The following ENOX1 variants were observed in gnomAD, a reference collection of about 807,000 sequenced individuals.
The protein encoded by ENOX1 is candidate growth-related and time keeping constitutive hydroquinone (NADH) oxidase.
Under a neutral mutation model 82.5 loss-of-function variants are expected in ENOX1, and 42 were observed. The ratio of observed to expected loss-of-function variants is 0.51; its 90% confidence interval spans 0.40 to 0.66. The LOEUF (loss-of-function observed/expected upper bound fraction) is 0.66, where lower values mean the gene tolerates loss of function less well. Among genes scored for constraint, ENOX1 ranks in the 30% least tolerant of loss-of-function variants. The pLI is 0.00. For missense variants in ENOX1, 608 were observed against 811.6 expected (o/e 0.75, Z 3.05); for synonymous variants, 271 against 282.2 (o/e 0.96, Z 0.40).
At chr13:43,330,871 T>C (rs952550728) in intron 9 of ENOX1, among the ~76,000 whole-genome samples, 1 of 152,248 alleles carries the variant, frequency 6.6e-6, no homozygotes, top group African/African-American at 2.4e-5. Flanking sequence ...CACATATATG[T>C]ATATATTCTT....
In ENOX1 at chr13:43,425,241, C is replaced by T. The variant is rs149446526; in HGVS notation, c.-74-12253G>A. ...GGCTACACCTGGTTATCTCAGCAGG[C>T]CCTCATAACCCAGAAAACCTCCATG... On this transcript the variant is annotated intron_variant, in intron 3 of 16. Coordinates refer to ENST00000690772, the MANE Select transcript of ENOX1 (RefSeq NM_001347969.2). Among the ~76,000 whole-genome samples the T allele has an allele frequency of 9.9e-5, 15 of 152,090 alleles. No homozygotes were observed. The East Asian group carries it at 2.3e-3, about 24-fold the overall frequency.
At chr13:43,614,277 T>C (rs2082315870) in intron 2 of ENOX1, among the ~76,000 whole-genome samples, 1 of 152,208 alleles carries the variant, frequency 6.6e-6, no homozygotes, top group African/African-American at 2.4e-5. Flanking sequence ...AGTTAGTTTC[T>C]GTTGACAGTT....
intron 2 of ENOX1, among the ~76,000 whole-genome samples, chr13:43,537,883 G>T (rs2078533308): frequency 6.6e-6 from 1 of 152,184 alleles, no homozygotes; most frequent in Non-Finnish European, 1.5e-5. Flanking sequence ...CCCTGCATCT[G>T]CCCAGCCTTC....
At chr13:43,591,985 G>A (rs1263576149) in intron 2 of ENOX1, among the ~76,000 whole-genome samples, 1 of 151,782 alleles carries the variant, frequency 6.6e-6, no homozygotes, top group Non-Finnish European at 1.5e-5. Context: ...GCTCCACAAT[G>A]GGGGTGACTG....
At chr13:43,542,431 CTTTTT>C (rs775618771) in intron 2 of ENOX1, among the ~76,000 whole-genome samples, 1 of 117,914 alleles carries the variant, frequency 8.5e-6, no homozygotes, top group Non-Finnish European at 1.7e-5. Context: ...TGTGCCCGGC[CTTTTT>C]TTTTTTTTTT....
chr13:43,326,544 TC>T lies in ENOX1; in HGVS notation c.1037-20del. Reference sequence around the variant, plus strand: ...TGCTCAACTTTGGTGAACAAGGAAGTCAAACAAGACAAGTAATTTATGTTGT... The same window carrying T: ...TGCTCAACTTTGGTGAACAAGGAAGTAAACAAGACAAGTAATTTATGTTGT... On this transcript the variant is annotated intron_variant, in intron 9 of 16. Transcript: ENST00000690772. 1.9e-6 allele frequency: 3 copies of T among 1,596,494 alleles called. No homozygotes were observed. The highest frequency in any genetic ancestry group is 2.6e-6 in the Non-Finnish European group (3 of 1,163,956).
At chr13:43,465,829 T>C (rs1998472) in intron 3 of ENOX1, among the ~76,000 whole-genome samples, 68,581 of 152,022 alleles carry the variant, frequency 0.45, 15,925 homozygotes, top group Non-Finnish European at 0.5. Flanking sequence ...ATGGAAATTG[T>C]CCTGACAATG....
At chr13:43,312,456 AG>A (rs1237050203) in intron 11 of ENOX1, among the ~76,000 whole-genome samples, 1 of 152,176 alleles carries the variant, frequency 6.6e-6, no homozygotes, top group African/African-American at 2.4e-5. Context: ...GGGAAATCAA[AG>A]GGCTGATATT....
intron 1 of ENOX1, among the ~76,000 whole-genome samples, chr13:43,736,286 T>C (rs2089626301): frequency 1.3e-5 from 2 of 152,226 alleles, no homozygotes; most frequent in Non-Finnish European, 1.5e-5. Context: ...AACATGGTAG[T>C]TTGCTTATTT....
chr13:43,583,544 T>C (rs908474096), intron 2 of ENOX1, among the ~76,000 whole-genome samples: 1 of 152,198 alleles, frequency 6.6e-6, no homozygotes, highest in Non-Finnish European at 1.5e-5. Context: ...GTATCTATGT[T>C]TGGAATGCCA....
chr13:43,245,148 C>T (rs2043021524), intron 14 of ENOX1, among the ~76,000 whole-genome samples: 1 of 152,134 alleles, frequency 6.6e-6, no homozygotes, highest in Non-Finnish European at 1.5e-5. Context: ...AAGAATGAGC[C>T]TCAAACAATG....
intron 3 of ENOX1, among the ~76,000 whole-genome samples, chr13:43,447,793 A>G (rs1023893832): frequency 6.6e-6 from 1 of 152,230 alleles, no homozygotes; most frequent in Non-Finnish European, 1.5e-5. Context: ...TGAAGCTATC[A>G]GAAATGTAGA....
chr13:43,656,590 T>C (rs987173392), intron 2 of ENOX1, among the ~76,000 whole-genome samples: 3 of 152,174 alleles, frequency 2.0e-5, no homozygotes, highest in African/African-American at 2.4e-5. Flanking sequence ...CAGAGACCTC[T>C]GGCTAAAAGT....
rs77711454 is a variant in ENOX1, at chr13:43,431,339, G to A, written c.-74-18351C>T. Among the ~76,000 whole-genome samples, 169 of 152,248 alleles carry A rather than the reference G, an allele frequency of 1.1e-3. 1 individual carries two copies. In the South Asian group the frequency reaches 0.015, roughly 14 times the overall value. Reference sequence around the variant, plus strand: ...AGTGTGATCTTCTCTTAGTGACTCTGCACTTGTGGTTCCTCCAGGTAACTG... The same window carrying A: ...AGTGTGATCTTCTCTTAGTGACTCTACACTTGTGGTTCCTCCAGGTAACTG... On this transcript the variant is annotated intron_variant, in intron 3 of 16. Transcript: ENST00000690772.
chr13:43,553,785 T>C (rs1157657869), intron 2 of ENOX1, among the ~76,000 whole-genome samples: 1 of 152,222 alleles, frequency 6.6e-6, no homozygotes, highest in Non-Finnish European at 1.5e-5. Context: ...TTCACTTTTG[T>C]TGCCCAGGCT....
intron 16 of ENOX1, 99 bp from the exon 17 acceptor site, chr13:43,214,220 T>TTTAG: frequency 4.7e-6 from 6 of 1,264,652 alleles, no homozygotes; most frequent in Non-Finnish European, 6.6e-6. Flanking sequence ...ATGAACAGCA[T>TTTAG]TTAGTTTTCT....
intron 3 of ENOX1, among the ~76,000 whole-genome samples, chr13:43,429,598 A>C (rs868335860): frequency 2.6e-5 from 4 of 152,186 alleles, no homozygotes; most frequent in African/African-American, 9.7e-5. Context: ...TGTAATGTGA[A>C]ATTCAATGAC....
At chr13:43,566,815 G>A (rs1373923255) in intron 2 of ENOX1, among the ~76,000 whole-genome samples, 1 of 152,036 alleles carries the variant, frequency 6.6e-6, no homozygotes, top group Non-Finnish European at 1.5e-5. Flanking sequence ...AAGTTTAAAT[G>A]TTCACACATG....
intron 14 of ENOX1, among the ~76,000 whole-genome samples, chr13:43,252,382 T>C (rs905409881): frequency 3.3e-5 from 5 of 152,230 alleles, no homozygotes; most frequent in African/African-American, 9.6e-5. Context: ...TTTCAGAGAA[T>C]GGCCTCCATA....
Sources: gnomAD v4.1 joint callset for allele counts (sites outside exome capture counted in the v4.1 genomes callset) on GRCh38, gnomAD v4.1.1 for gene constraint, MANE v1.5 for transcripts, NCBI Gene and HGNC (gene_info 2026-07-23, HGNC 2026-07-21) for gene names.